MAP1S: variants seen among roughly 807,000 people sequenced by gnomAD.
The protein encoded by MAP1S is microtubule-associated protein 1S.
In MAP1S, 27 loss-of-function variants were observed where a neutral mutation model predicts 60.9. The ratio of observed to expected loss-of-function variants is 0.44; its 90% confidence interval spans 0.33 to 0.61. The LOEUF (loss-of-function observed/expected upper bound fraction) is 0.61, where lower values mean the gene tolerates loss of function less well. Among genes scored for constraint, MAP1S ranks in the 20% least tolerant of loss-of-function variants. The probability of loss-of-function intolerance (pLI) is 0.03; values close to 1 mark genes in which losing one functional copy is unlikely to be tolerated. For missense variants in MAP1S, 1,608 were observed against 1,486.6 expected, an observed-to-expected ratio of 1.08 and a Z score of -1.34; for synonymous variants, 826 against 694.2, an observed-to-expected ratio of 1.19 and a Z score of -2.98.
rs764617452 is a variant in MAP1S, at chr19:17,734,411, T to C, written c.3163T>C (p.Cys1055Arg). 1 of 1,612,528 alleles carries C rather than the reference T, an allele frequency of 6.2e-7. No individual in the cohort carries two copies. Among genetic ancestry groups the C allele is most frequent in the Non-Finnish European group, 8.5e-7 (1 of 1,179,744 alleles). ...VSMQDDAFPA[C>R]KVEF ...CATGCAGGATGACGCCTTCCCGGCC[T>C]GCAAGGTGGAGTTCTAGCCCCATCG... The change falls in exon 7 of 7, where the codon TGC becomes CGC. Residue 1055 changes from cysteine (C) to arginine (R), a missense_variant. Transcript: ENST00000324096.
rs113272884 is a variant in MAP1S, at chr19:17,729,610, A to G, written c.2788+1438A>G. 3.0e-3 allele frequency among the ~76,000 whole-genome samples: 457 copies of G among 151,704 alleles called. 2 individuals carry two copies. Among genetic ancestry groups the G allele is most frequent in the African/African-American group, 8.2e-3 (340 of 41,318 alleles). On this transcript the variant is annotated intron_variant, in intron 5 of 6. Coordinates refer to ENST00000324096, the MANE Select transcript of MAP1S (RefSeq NM_018174.6). The stretch of plus-strand genomic sequence containing the variant: ...AGCCTCGACCTCCTGGGTTCAAGCA[A>G]CCCTCCCACCTCAACCTCCCGAACA...
In MAP1S at chr19:17,725,854, C is replaced by T; in HGVS notation, c.470C>T (p.Pro157Leu). 6.2e-7 allele frequency: 1 copy of T among 1,613,096 alleles called. No homozygotes were observed. The highest frequency in any genetic ancestry group is 8.5e-7 in the Non-Finnish European group (1 of 1,179,878). ...ATCCGGGACATCCTGGCCACCACGC[C>T]CCCACCTGTGCAGCCGCCCATACTC... ...REIRDILATTPPPVQPPILTI... is the reference protein window; with the variant it reads ...REIRDILATTLPPVQPPILTI... Residue 157 changes from proline to leucine, a missense_variant, in exon 5 of 7, where the codon CCC (proline) becomes CTC (leucine). Physicochemically the swap from Pro to Leu is moderately conservative, Grantham distance 98. Coordinates refer to ENST00000324096, the MANE Select transcript of MAP1S (RefSeq NM_018174.6). This position sits in a 1 kb window ranked among gnomAD's most constrained non-coding sequence, Gnocchi z 4.2.
chr19:17,723,959 T>G (rs1055836676), intron 2 of MAP1S, among the ~76,000 whole-genome samples, 167 bp from the exon 3 acceptor site: 1 of 152,194 alleles, frequency 6.6e-6, no homozygotes, highest in Non-Finnish European at 1.5e-5. Flanking sequence ...TTAGGCCAGC[T>G]GGGGTGGTTT....
rs1330110773 is a variant in MAP1S at position 17,733,227 on chromosome 19, C to T, written c.2823C>T (p.Thr941=). The T allele has an allele frequency of 1.3e-6, 2 of 1,547,774 alleles. No homozygotes were observed. The highest frequency in any genetic ancestry group is 1.2e-5 in the South Asian group (1 of 83,920). Residue 941 remains threonine, a synonymous_variant, in exon 6 of 7, where the codon ACC becomes ACT. Transcript: ENST00000324096. ...GCAGCCGGCCCGGGGTGTCAGCCAC[C>T]CCACCCAAGTCCCCGGTCTACCTGG... ...SASSRPGVSA[T]PPKSPVYLDL... is the part of the protein sequence containing the mutation.
chr19:17,721,865 C>T (rs531979790), intron 2 of MAP1S, among the ~76,000 whole-genome samples: 56 of 152,208 alleles, frequency 3.7e-4, no homozygotes, highest in African/African-American at 1.3e-3. Flanking sequence ...ACGAGGCTCC[C>T]TTCTAGGGTG....
intron 3 of MAP1S, 92 bp from the exon 4 acceptor site, chr19:17,724,957 T>C: frequency 6.7e-7 from 1 of 1,503,698 alleles, no homozygotes; most frequent in Non-Finnish European, 9.2e-7. Flanking sequence ...AGGAGAGGGG[T>C]GGTTATGTAT....
chr19:17,729,272 G>A (rs1039831979), intron 5 of MAP1S, among the ~76,000 whole-genome samples: 1 of 152,124 alleles, frequency 6.6e-6, no homozygotes, highest in Non-Finnish European at 1.5e-5. Flanking sequence ...ATTAGACACA[G>A]CATGCCCAGG....
rs1568289417 is a variant in MAP1S, at chr19:17,721,072, CTTG to C, written c.220+38_220+40del. On this transcript the variant is annotated intron_variant, in intron 2 of 6. Transcript: ENST00000324096. Reference sequence around the variant, plus strand: ...GGGTCCCCCTGACTGCTCCCTACCTCTTGTTATTTGGGGAAGTGCCAGCCGTGT... The same window carrying C: ...GGGTCCCCCTGACTGCTCCCTACCTCTTATTTGGGGAAGTGCCAGCCGTGT... 5 of 1,564,596 alleles carry C rather than the reference CTTG, an allele frequency of 3.2e-6. No individual in the cohort carries two copies. In the African/African-American group the frequency reaches 4.1e-5, roughly 13 times the overall value.
chr19:17,722,783 G>A (rs12976543), intron 2 of MAP1S, among the ~76,000 whole-genome samples: 1 of 137,492 alleles, frequency 7.3e-6, no homozygotes, highest in African/African-American at 2.6e-5. Flanking sequence ...GGGAGGGAGG[G>A]AGGGGGAGAG....
rs764481353 is a variant in MAP1S at position 17,726,014 on chromosome 19, C to T, written c.630C>T (p.Phe210=). Residue 210 remains phenylalanine, a synonymous_variant, in exon 5 of 7, where the codon TTC becomes TTT. Transcript: ENST00000324096. The stretch of plus-strand genomic sequence containing the variant: ...CCAACTCTGAGGGCCTGTGCGAATT[C>T]CTGGAGTACGTGGCTGAGTCTCTGG... ...QLPNSEGLCE[F]LEYVAESLEP... The T allele has an allele frequency of 1.8e-5, 29 of 1,612,678 alleles. No individual in the cohort carries two copies. Among genetic ancestry groups the T allele is most frequent in the Non-Finnish European group, 5.9e-6 (7 of 1,179,532 alleles).
chr19:17,725,180 G>A lies in MAP1S; in HGVS notation c.435G>A (p.Lys145=). The change falls in exon 4 of 7, where the codon AAG becomes AAA. Residue 145 remains lysine (K), a synonymous_variant. Coordinates refer to ENST00000324096, the MANE Select transcript of MAP1S (RefSeq NM_018174.6). This position sits in a 1 kb window ranked among gnomAD's most constrained non-coding sequence, Gnocchi z 4.2. The stretch of plus-strand genomic sequence containing the variant: ...CTCACCACTTCCTCCAGGTCCTGAA[G>A]GACAGAGAGGTAAGCCACCCCTTTG... ...FSPHHFLQVL[K]DREIRDILAT... The A allele has an allele frequency of 6.2e-7, 1 of 1,612,298 alleles. No individual in the cohort carries two copies. The highest frequency in any genetic ancestry group is 8.5e-7 in the Non-Finnish European group (1 of 1,178,972).
At chr19:17,731,411 A>ACCATACAT (rs2080492101) in intron 5 of MAP1S, among the ~76,000 whole-genome samples, 3 of 152,152 alleles carry the variant, frequency 2.0e-5, no homozygotes, top group Admixed American at 6.6e-5. Context: ...AGATCATTTC[A>ACCATACAT]GCATACATGT....
At chr19:17,731,590 C>T (rs1393922141) in intron 5 of MAP1S, among the ~76,000 whole-genome samples, 1 of 152,160 alleles carries the variant, frequency 6.6e-6, no homozygotes, top group Non-Finnish European at 1.5e-5. Context: ...CTCCTTTTCA[C>T]ATTGTTCATT....
At chr19:17,731,085 G>C (rs1030562506) in intron 5 of MAP1S, among the ~76,000 whole-genome samples, 2 of 151,792 alleles carry the variant, frequency 1.3e-5, no homozygotes, top group Non-Finnish European at 2.9e-5. Context: ...AGTAGACACG[G>C]GGTTTCACCA....
chr19:17,723,372 C>T (rs1186621403), intron 2 of MAP1S, among the ~76,000 whole-genome samples: 2 of 151,494 alleles, frequency 1.3e-5, no homozygotes, highest in African/African-American at 2.4e-5. Flanking sequence ...CATGTTAAAA[C>T]CCCGTCTCTA....
In MAP1S at chr19:17,725,024, C is replaced by T. The variant is rs1282910083; in HGVS notation, c.304-25C>T. On this transcript the variant is annotated intron_variant, in intron 3 of 6. Coordinates refer to ENST00000324096, the MANE Select transcript of MAP1S (RefSeq NM_018174.6). The surrounding 1 kb of genome is among the most constrained non-coding windows in gnomAD (Gnocchi z 4.2). ...GATACGTCACTGCACAGAACGGGTC[C>T]TTTAGTGTTCACCCCCTCCCTCAGC... 1 of 1,614,080 alleles carries T rather than the reference C, an allele frequency of 6.2e-7. No individual in the cohort carries two copies. The highest frequency in any genetic ancestry group is 1.7e-5 in the Admixed American group (1 of 60,008).
chr19:17,725,040 C>CT lies in MAP1S; in HGVS notation c.304-8dup, dbSNP rs1229066116. The CT allele has an allele frequency of 1.2e-6, 2 of 1,614,038 alleles. No homozygotes were observed. The highest frequency in any genetic ancestry group is 1.7e-6 in the Non-Finnish European group (2 of 1,180,024). ...GAACGGGTCCTTTAGTGTTCACCCC[C>CT]TCCCTCAGCTCCGGAACCTTCTGTT... On this transcript the variant is annotated splice_polypyrimidine_tract_variant and intron_variant, in intron 3 of 6. Coordinates refer to ENST00000324096, the MANE Select transcript of MAP1S (RefSeq NM_018174.6). This position sits in a 1 kb window ranked among gnomAD's most constrained non-coding sequence, Gnocchi z 4.2.
intron 2 of MAP1S, among the ~76,000 whole-genome samples, chr19:17,723,548 CA>C (rs139015857): frequency 0.29 from 41,862 of 144,982 alleles, 6,970 homozygotes; most frequent in African/African-American, 0.49. Flanking sequence ...AACTCCGTCT[CA>C]AAAAAAAAGA....
Position 17,734,269 on chromosome 19 carries a change from G to A in MAP1S, c.3025-4G>A. On this transcript the variant is annotated splice_polypyrimidine_tract_variant and splice_region_variant and intron_variant, in intron 6 of 6. Coordinates refer to ENST00000324096, the MANE Select transcript of MAP1S (RefSeq NM_018174.6). Reference sequence around the variant, plus strand: ...CTCCCCACACACCCCCCCTCCACCTGCAGGTGACCCTGATCCCCACTTTCG... The same window carrying A: ...CTCCCCACACACCCCCCCTCCACCTACAGGTGACCCTGATCCCCACTTTCG... 1.9e-6 allele frequency: 3 copies of A among 1,609,328 alleles called. No individual in the cohort carries two copies. The highest frequency in any genetic ancestry group is 2.5e-6 in the Non-Finnish European group (3 of 1,176,744).
Sources: allele counts gnomAD v4.1 joint callset (sites outside exome capture counted in the v4.1 genomes callset), GRCh38; gene constraint gnomAD v4.1.1; non-coding constraint Gnocchi (gnomAD v3.1); transcripts MANE v1.5; gene names NCBI Gene and HGNC (gene_info 2026-07-23, HGNC 2026-07-21).